CAST: variants seen among roughly 807,000 people sequenced by gnomAD.
CAST encodes MIR583 host.
In CAST, 76 loss-of-function variants were observed where a neutral mutation model predicts 119.6. That is an observed-to-expected ratio of 0.64 (90% confidence interval 0.53 to 0.77). CAST has a LOEUF of 0.77. Ranked by LOEUF, CAST falls within the 30% of genes least tolerant of loss-of-function variation. The probability of loss-of-function intolerance (pLI) is 0.00; values close to 1 mark genes in which losing one functional copy is unlikely to be tolerated. For synonymous variants in CAST, 319 were observed against 331.6 expected (o/e 0.96, Z 0.41); for missense variants, 953 against 946.5 (o/e 1.01, Z -0.09).
Position 96,557,441 on chromosome 5 carries a change from C to G in CAST, c.60+27561C>G, listed in dbSNP as rs547349130. On this transcript the variant is annotated intron_variant, in intron 1 of 11. Coordinates refer to the CAST transcript ENST00000505143. ...AATTGGATAAATAGTCAAGACCCATCAGTGTGCTGTATTCAGGAAACCCAT... is the reference window on the plus strand; with the variant it reads ...AATTGGATAAATAGTCAAGACCCATGAGTGTGCTGTATTCAGGAAACCCAT... 7.2e-5 allele frequency among the ~76,000 whole-genome samples: 11 copies of G among 152,122 alleles called. No homozygotes were observed. The East Asian group carries it at 1.9e-3, about 27-fold the overall frequency.
chr5:96,268,054 G>C, the CAST span, among the ~76,000 whole-genome samples: 1 of 152,054 alleles, frequency 6.6e-6, no homozygotes, highest in South Asian at 2.1e-4. Context: ...AAGCCTCATG[G>C]TAACCACAGT....
chr5:96,052,781 T>TG, the CAST span, among the ~76,000 whole-genome samples: 1 of 152,228 alleles, frequency 6.6e-6, no homozygotes, highest in African/African-American at 2.4e-5. Context: ...AAGTGTGACA[T>TG]GTGATTAGGT....
At chr5:96,663,368 A>T (rs2150216883) in intron 1 of CAST, among the ~76,000 whole-genome samples, 1 of 152,270 alleles carries the variant, frequency 6.6e-6, no homozygotes, top group South Asian at 2.1e-4. Flanking sequence ...TGTGGTATGT[A>T]TGAGCGCGCC....
chr5:96,537,136 C>T (rs1252454868), intron 1 of CAST, among the ~76,000 whole-genome samples: 1 of 152,224 alleles, frequency 6.6e-6, no homozygotes, highest in Non-Finnish European at 1.5e-5. Flanking sequence ...TCCCTGACTG[C>T]CTGCTGCCTT....
the CAST span, among the ~76,000 whole-genome samples, chr5:96,483,415 C>G: frequency 6.6e-6 from 1 of 152,130 alleles, no homozygotes; most frequent in Admixed American, 6.5e-5. Flanking sequence ...AGTAAGTTCT[C>G]AATTAATATC....
At chr5:96,721,732 T>A (rs1049817033) in intron 3 of CAST, among the ~76,000 whole-genome samples, 1 of 152,208 alleles carries the variant, frequency 6.6e-6, no homozygotes, top group Non-Finnish European at 1.5e-5. Context: ...TATAATTATC[T>A]GTTTAATATT....
At chr5:96,503,448 A>T in the CAST span, among the ~76,000 whole-genome samples, 1 of 152,142 alleles carries the variant, frequency 6.6e-6, no homozygotes, top group Non-Finnish European at 1.5e-5. Context: ...TTCTCTGGGA[A>T]ATTGAATGCC....
the CAST span, among the ~76,000 whole-genome samples, chr5:96,468,075 A>G: frequency 0.072 from 10,936 of 152,094 alleles, 1,324 homozygotes; most frequent in African/African-American, 0.25. Flanking sequence ...CTCCAGCACT[A>G]TACAAGTTGC....
At chr5:96,560,619 A>C (rs1466675238) in intron 1 of CAST, among the ~76,000 whole-genome samples, 5 of 152,338 alleles carry the variant, frequency 3.3e-5, no homozygotes, top group East Asian at 3.9e-4. Context: ...CATTACTGGC[A>C]ATCAGAGAAA....
chr5:96,159,220 A>T, the CAST span, among the ~76,000 whole-genome samples: 1 of 152,198 alleles, frequency 6.6e-6, no homozygotes. Context: ...AGGCATTTGC[A>T]TCCTTAACTC....
chr5:96,090,694 A>G, the CAST span, among the ~76,000 whole-genome samples: 1 of 152,162 alleles, frequency 6.6e-6, no homozygotes, highest in East Asian at 1.9e-4. Flanking sequence ...AGAAGAGGGT[A>G]TTTTTAAAAT....
the CAST span, among the ~76,000 whole-genome samples, chr5:95,985,844 G>C: frequency 1.3e-5 from 2 of 152,152 alleles, no homozygotes; most frequent in African/African-American, 4.8e-5. Context: ...AGATTTAAAA[G>C]AAACTGTGGC....
At chr5:96,524,419 AGGG>A (rs920794505), upstream of CAST, among the ~76,000 whole-genome samples, 4 of 152,204 alleles carry the variant, frequency 2.6e-5, no homozygotes, top group Non-Finnish European at 5.9e-5. Context: ...TGAGAAGTAG[AGGG>A]GCTTTAATAC....
At chr5:96,648,999 C>T (rs143346654) in intron 1 of CAST, among the ~76,000 whole-genome samples, 262 of 152,116 alleles carry the variant, frequency 1.7e-3, no homozygotes, top group African/African-American at 6.0e-3. Context: ...GTAGCTCTGT[C>T]GATGTATGGC....
the CAST span, among the ~76,000 whole-genome samples, chr5:96,049,149 A>G: frequency 6.6e-5 from 10 of 152,264 alleles, no homozygotes; most frequent in Admixed American, 6.5e-4. Flanking sequence ...TAGAAAGACG[A>G]CTTTATAATA....
intron 1 of CAST, among the ~76,000 whole-genome samples, chr5:96,601,835 G>C (rs1020764140): frequency 1.3e-5 from 2 of 152,162 alleles, no homozygotes; most frequent in Non-Finnish European, 2.9e-5. Flanking sequence ...TGTCAGCAGG[G>C]AAAGTTATCC....
the CAST span, among the ~76,000 whole-genome samples, chr5:96,376,962 G>A: frequency 6.6e-6 from 1 of 152,050 alleles, no homozygotes; most frequent in Non-Finnish European, 1.5e-5. Flanking sequence ...CTGATTCTGT[G>A]TAGGCCTAGG....
chr5:96,151,286 C>T, the CAST span, among the ~76,000 whole-genome samples: 1 of 152,100 alleles, frequency 6.6e-6, no homozygotes, highest in Non-Finnish European at 1.5e-5. Context: ...ATACTGATTC[C>T]AGTTTCTTTA....
At chr5:96,602,204 A>G (rs1181101447) in intron 1 of CAST, among the ~76,000 whole-genome samples, 1 of 152,246 alleles carries the variant, frequency 6.6e-6, no homozygotes, top group Non-Finnish European at 1.5e-5. Flanking sequence ...AAACAGTAAT[A>G]TGACATGACA....
Sources: gnomAD v4.1 joint callset for allele counts (sites outside exome capture counted in the v4.1 genomes callset) on GRCh38, gnomAD v4.1.1 for gene constraint, MANE v1.5 for transcripts, NCBI Gene and HGNC (gene_info 2026-07-23, HGNC 2026-07-21) for gene names.